The following DR1 variants were observed in gnomAD, a reference collection of about 807,000 sequenced individuals.
The protein encoded by DR1 is down-regulator of transcription 1, also known as protein Dr1.
In DR1, 7 loss-of-function variants were observed where a neutral mutation model predicts 19.9. That is an observed-to-expected ratio of 0.35 (90% CI 0.20 to 0.66). The LOEUF (loss-of-function observed/expected upper bound fraction) is 0.66, where lower values mean the gene tolerates loss of function less well. Ranked by LOEUF, DR1 falls within the 30% of genes least tolerant of loss-of-function variation. The pLI is 0.66. For missense variants in DR1, 98 were observed against 203.7 expected, an observed-to-expected ratio of 0.48 and a Z score of 3.16; for synonymous variants, 76 against 72.5, an observed-to-expected ratio of 1.05 and a Z score of -0.24.
intron 2 of DR1, among the ~76,000 whole-genome samples, chr1:93,359,946 G>A (rs1306611913): frequency 6.6e-6 from 1 of 152,062 alleles, no homozygotes; most frequent in African/African-American, 2.4e-5. Flanking sequence ...AGTAGGTTAG[G>A]GAATTGTAAT....
intron 1 of DR1, among the ~76,000 whole-genome samples, chr1:93,347,346 A>G (rs1216573808): frequency 6.6e-6 from 1 of 152,240 alleles, no homozygotes; most frequent in Non-Finnish European, 1.5e-5. Context: ...AATTCTTAAC[A>G]TACAATGTGT....
At position 93,361,364 on chromosome 1, in the gene DR1, T is replaced by C. The variant is rs1667049726; in HGVS notation, c.*725T>C. The C allele has an allele frequency of 6.6e-6, 1 of 152,604 alleles. No homozygotes were observed. The highest frequency in any genetic ancestry group is 2.4e-5 in the African/African-American group (1 of 41,446). 9.5% of individuals were successfully genotyped at this position (152,604 alleles called of 1,614,324 possible). A position where few individuals can be genotyped will look rare whatever the true frequency, so the allele number is the denominator to read the frequency against. On this transcript the variant is annotated 3_prime_UTR_variant, in exon 3 of 3. Coordinates refer to ENST00000370272, the MANE Select transcript of DR1 (RefSeq NM_001938.3). Reference sequence around the variant, plus strand: ...TTTCAAAGACTGCCCAGTTTGGAAGTCTGTCATGATTTTTACTCTTTCACT... The same window carrying C: ...TTTCAAAGACTGCCCAGTTTGGAAGCCTGTCATGATTTTTACTCTTTCACT...
intron 1 of DR1, 94 bp from the exon 2 acceptor site, chr1:93,353,814 C>G: frequency 2.0e-6 from 2 of 996,766 alleles, no homozygotes; most frequent in Admixed American, 3.1e-5. Context: ...ATTCCCCTCC[C>G]CCAAAGAAAA....
intron 2 of DR1, among the ~76,000 whole-genome samples, chr1:93,356,600 A>AT (rs1280229088): frequency 6.6e-6 from 1 of 152,072 alleles, no homozygotes; most frequent in Non-Finnish European, 1.5e-5. Flanking sequence ...AATTATTTGA[A>AT]TTTTTTCCAT....
intron 1 of DR1, among the ~76,000 whole-genome samples, chr1:93,349,876 TAAA>T (rs1182517882): frequency 6.6e-6 from 1 of 152,168 alleles, no homozygotes; most frequent in Non-Finnish European, 1.5e-5. Flanking sequence ...TGAAGGTACT[TAAA>T]TGCTTTGAAT....
intron 1 of DR1, among the ~76,000 whole-genome samples, chr1:93,349,417 A>G (rs912861541): frequency 1.3e-5 from 2 of 152,098 alleles, no homozygotes; most frequent in Non-Finnish European, 2.9e-5. Flanking sequence ...AATGAGTTCT[A>G]ACATGTTCTG....
chr1:93,352,472 T>A (rs1026649349), intron 1 of DR1, among the ~76,000 whole-genome samples: 3 of 152,228 alleles, frequency 2.0e-5, no homozygotes, highest in African/African-American at 4.8e-5. Context: ...AGTACTATGC[T>A]TTTTGGCATC....
At chr1:93,356,506 A>G (rs1417666172) in intron 2 of DR1, among the ~76,000 whole-genome samples, 1 of 152,208 alleles carries the variant, frequency 6.6e-6, no homozygotes, top group Non-Finnish European at 1.5e-5. Context: ...TAAATTTGAA[A>G]TGTAACTAGT....
At chr1:93,358,031 T>C (rs1233407522) in intron 2 of DR1, among the ~76,000 whole-genome samples, 2 of 152,134 alleles carry the variant, frequency 1.3e-5, no homozygotes, top group Non-Finnish European at 2.9e-5. Context: ...CATAGCACTT[T>C]AGGAGGCCCA....
Position 93,346,873 on chromosome 1 carries a change from G to A in DR1, c.220+8G>A. ...CAGAGCATGTCATACAAGGTAAGTC[G>A]TGTGTGAGAGCTGGTTTGAATGAGG... On this transcript the variant is annotated splice_region_variant and intron_variant, in intron 1 of 2. Transcript: ENST00000370272. The A allele has an allele frequency of 1.2e-6, 2 of 1,602,034 alleles. No homozygotes were observed. The highest frequency in any genetic ancestry group is 1.3e-5 in the African/African-American group (1 of 74,914).
chr1:93,361,049 G>GGGA lies in DR1; in HGVS notation c.*412_*413insAGG, dbSNP rs553856339. ...TGTGAATTTTAAATTATTAAGGGGG[G>GGGA]GGTGCTGTGTGAATCAGTAGACATT... On this transcript the variant is annotated 3_prime_UTR_variant, in exon 3 of 3. Coordinates refer to ENST00000370272, the MANE Select transcript of DR1 (RefSeq NM_001938.3). 411 of 163,948 alleles carry GGGA rather than the reference G, an allele frequency of 2.5e-3. 13 individuals are homozygous for GGGA. The highest frequency in any genetic ancestry group is 0.025 in the South Asian group (156 of 6,350). The allele number at this position is 163,948 out of a possible 1,614,324, so 10.2% of individuals were successfully genotyped here. A position where few individuals can be genotyped will look rare whatever the true frequency, so the allele number is the denominator to read the frequency against.
chr1:93,362,827 T>A lies in DR1; in HGVS notation c.*2188T>A. 1 of 3,116 alleles carries A rather than the reference T, an allele frequency of 3.2e-4. No homozygotes were observed. Among genetic ancestry groups the A allele is most frequent in the African/African-American group, 4.6e-4 (1 of 2,176 alleles). The allele number at this position is 3,116 out of a possible 1,614,324, so 0.2% of individuals were successfully genotyped here. ...CAATATTTTATTTTTAGGTTTTTTC[T>A]TTTTTTTTTTTTTTTTTTTTTTTTT... is the stretch of plus-strand genomic sequence containing the variant. On this transcript the variant is annotated 3_prime_UTR_variant, in exon 3 of 3. Coordinates refer to ENST00000370272, the MANE Select transcript of DR1 (RefSeq NM_001938.3).
intron 2 of DR1, 69 bp downstream of exon 2, chr1:93,354,140 A>G: frequency 6.9e-7 from 1 of 1,446,624 alleles, no homozygotes; most frequent in Non-Finnish European, 9.5e-7. Flanking sequence ...TGCTTCCTAA[A>G]TTAACAGACA....
At chr1:93,355,056 G>A (rs1570711326) in intron 2 of DR1, 1 of 152,142 alleles carries the variant, frequency 6.6e-6, no homozygotes, top group South Asian at 2.1e-4. Flanking sequence ...TGAATATGAG[G>A]TACAAAAGAA....
intron 1 of DR1, among the ~76,000 whole-genome samples, chr1:93,347,916 GA>G (rs1029661213): frequency 1.3e-5 from 2 of 152,092 alleles, no homozygotes; most frequent in Admixed American, 6.5e-5. Context: ...TGAAATCAGG[GA>G]AAAATGATTA....
Position 93,367,976 on chromosome 1 carries a change from A to C in DR1, c.*7337A>C, listed in dbSNP as rs989400609. 6.6e-6 allele frequency: 1 copy of C among 152,222 alleles called. No homozygotes were observed. The highest frequency in any genetic ancestry group is 1.5e-5 in the Non-Finnish European group (1 of 68,058). The allele number at this position is 152,222 out of a possible 1,614,324, so 9.4% of individuals were successfully genotyped here. On this transcript the variant is annotated 3_prime_UTR_variant, in exon 3 of 3. Transcript: ENST00000370272. ...CAGTGAGTTGAGATCGCGACACTGC[A>C]CTCCAGCCTGACAACAGAGCAAGAC...
chr1:93,353,977 T>A lies in DR1; in HGVS notation c.290T>A (p.Val97Glu). 1 of 1,613,860 alleles carries A rather than the reference T, an allele frequency of 6.2e-7. No homozygotes were observed. Residue 97 changes from valine (V) to glutamate (E), a missense_variant, in exon 2 of 3, where the codon GTA becomes GAA. Val to Glu is a moderately radical substitution (Grantham distance 121). Transcript: ENST00000370272. Reference sequence around the variant, plus strand: ...GAAGTCTTGCAAGAGTGTAAAACAGTAGCATTAAAAAGAAGAAAGGCCAGT... The same window carrying A: ...GAAGTCTTGCAAGAGTGTAAAACAGAAGCATTAAAAAGAAGAAAGGCCAGT... Reference protein sequence around the residue: ...VKEVLQECKTVALKRRKASSR... With the variant: ...VKEVLQECKTEALKRRKASSR...
At chr1:93,349,860 T>C (rs1417528114) in intron 1 of DR1, among the ~76,000 whole-genome samples, 1 of 152,138 alleles carries the variant, frequency 6.6e-6, no homozygotes, top group African/African-American at 2.4e-5. Flanking sequence ...TTTTGTCAAA[T>C]TGCAATGAAG....
In DR1 at chr1:93,362,826, C is replaced by CTTTTTTTTTT. The variant is rs55792701; in HGVS notation, c.*2206_*2215dup. The CTTTTTTTTTT allele has an allele frequency of 6.1e-4, 32 of 52,872 alleles. No individual in the cohort carries two copies. Among genetic ancestry groups the CTTTTTTTTTT allele is most frequent in the African/African-American group, 1.9e-3 (24 of 12,654 alleles). The allele number at this position is 52,872 out of a possible 1,614,324, so 3.3% of individuals were successfully genotyped here. A position where few individuals can be genotyped will look rare whatever the true frequency, so the allele number is the denominator to read the frequency against. ...GCAATATTTTATTTTTAGGTTTTTT[C>CTTTTTTTTTT]TTTTTTTTTTTTTTTTTTTTTTTTT... On this transcript the variant is annotated 3_prime_UTR_variant, in exon 3 of 3. Transcript: ENST00000370272.
Sources: gnomAD v4.1 joint callset for allele counts (sites outside exome capture counted in the v4.1 genomes callset) on GRCh38, gnomAD v4.1.1 for gene constraint, MANE v1.5 for transcripts, NCBI Gene and HGNC (gene_info 2026-07-23, HGNC 2026-07-21) for gene names.